Variants in CEACAM1 observed in about 807,000 individuals in gnomAD.
CEACAM1 encodes the protein CEA cell adhesion molecule 1, also known as cell adhesion molecule CEACAM1.
CEACAM1 carries 31 observed loss-of-function variants against 49.1 expected under a neutral mutation model. The ratio of observed to expected loss-of-function variants is 0.63; its 90% CI spans 0.47 to 0.85. The LOEUF is 0.85. CEACAM1 is among the 40% of genes least tolerant of loss of function. The pLI is 0.00. For missense variants in CEACAM1, 570 were observed against 645.3 expected (o/e 0.88, Z 1.26); for synonymous variants, 244 against 247.8 (o/e 0.98, Z 0.14).
At position 42,522,056 on chromosome 19, in the gene CEACAM1, G is replaced by T. The variant is rs765210424; in HGVS notation, c.571C>A (p.Leu191Met). 6.2e-7 allele frequency: 1 copy of T among 1,614,228 alleles called. No homozygotes were observed. The highest frequency in any genetic ancestry group is 1.3e-5 in the African/African-American group (1 of 75,064). Residue 191 changes from leucine to methionine, a missense_variant, in exon 3 of 9, where the codon CTG (leucine) becomes ATG (methionine). Physicochemically the swap from Leu to Met is conservative, Grantham distance 15. Transcript: ENST00000161559. ...NNQSLPVSPRLQLSNGNRTLT... is the reference protein window; with the variant it reads ...NNQSLPVSPRMQLSNGNRTLT... ...GTCCTGTTGCCATTGGACAGCTGCAGCCTGGGACTGACCGGGAGGCTCTGA... is the reference window on the plus strand; with the variant it reads ...GTCCTGTTGCCATTGGACAGCTGCATCCTGGGACTGACCGGGAGGCTCTGA...
At position 42,508,895 on chromosome 19, in the gene CEACAM1, T is replaced by C; in HGVS notation, c.*214A>G. 1 of 493,366 alleles carries C rather than the reference T, an allele frequency of 2.0e-6. No homozygotes were observed. Among genetic ancestry groups the C allele is most frequent in the Non-Finnish European group, 3.6e-6 (1 of 280,158 alleles). 30.6% of individuals were successfully genotyped at this position (493,366 alleles called of 1,614,324 possible). ...TTGCCAAATTTCAATGACAAGAAGGTTGGGTTTCCTACAGACTCCCAATGT... is the reference window on the plus strand; with the variant it reads ...TTGCCAAATTTCAATGACAAGAAGGCTGGGTTTCCTACAGACTCCCAATGT... On this transcript the variant is annotated 3_prime_UTR_variant, in exon 9 of 9. Coordinates refer to ENST00000161559, the MANE Select transcript of CEACAM1 (RefSeq NM_001712.5).
chr19:42,525,116 C>A lies in CEACAM1; in HGVS notation c.424+1925G>T, dbSNP rs187997694. Among the ~76,000 whole-genome samples the A allele has an allele frequency of 1.3e-4, 20 of 152,000 alleles. 1 individual carries two copies. Among genetic ancestry groups the A allele is most frequent in the Admixed American group, 1.3e-3 (20 of 15,262 alleles). On this transcript the variant is annotated intron_variant, in intron 2 of 8. Coordinates refer to ENST00000161559, the MANE Select transcript of CEACAM1 (RefSeq NM_001712.5). ...GCAGGGTGTGAGTGAGGAGAGAAAG[C>A]AAAGTCCTTTCCTTTATCCTCCTGT...
rs144403954 is a variant in CEACAM1, at chr19:42,513,893, CAT to C, written c.1247-1416_1247-1415del. ...GTTTCTTGTATAATGCTTCTCCCTC[CAT>C]ATATATATATATATATATATATAAT... On this transcript the variant is annotated intron_variant, in intron 5 of 8. Transcript: ENST00000161559. 1.0e-3 allele frequency among the ~76,000 whole-genome samples: 109 copies of C among 104,856 alleles called. 1 individual carries two copies. Among genetic ancestry groups the C allele is most frequent in the South Asian group, 1.4e-3 (4 of 2,926 alleles). 68.8% of individuals were successfully genotyped at this position (104,856 alleles called of 152,430 possible). A position where few individuals can be genotyped will look rare whatever the true frequency, so the allele number is the denominator to read the frequency against.
chr19:42,525,359 G>A (rs2041864962), intron 2 of CEACAM1, among the ~76,000 whole-genome samples: 1 of 151,734 alleles, frequency 6.6e-6, no homozygotes, highest in Admixed American at 6.6e-5. Flanking sequence ...CAAGTAGCTG[G>A]GATTAGAGGC....
At chr19:42,521,590 G>C (rs2041749536) in intron 3 of CEACAM1, 69 bp from the exon 4 acceptor site, 1 of 1,570,310 alleles carries the variant, frequency 6.4e-7, no homozygotes, top group South Asian at 1.2e-5. Flanking sequence ...GTCTGGAGAA[G>C]GGCCACAGTG....
intron 5 of CEACAM1, chr19:42,514,942 T>C: frequency 1.6e-6 from 1 of 613,156 alleles, no homozygotes; most frequent in South Asian, 1.9e-5. Flanking sequence ...GTGTGGTGTT[T>C]TGCTGAAGGT....
Position 42,510,904 on chromosome 19 carries a change from A to AT in CEACAM1, c.1445dup (p.Asn482LysfsTer2), listed in dbSNP as rs775213687. The AT allele has an allele frequency of 1.2e-5, 19 of 1,614,106 alleles. No homozygotes were observed. In the South Asian group the frequency reaches 1.9e-4, roughly 16 times the overall value. On this transcript the variant is annotated frameshift_variant, in exon 8 of 9. Transcript: ENST00000161559. LOFTEE classifies it low-confidence loss of function (END_TRUNC). Reference sequence around the variant, plus strand: ...CTATGCTTACCTTGTTAGGTGGGTCATTGGAGTGGTCCTGAGCTGGAGAAG... The same window carrying AT: ...CTATGCTTACCTTGTTAGGTGGGTCATTTGGAGTGGTCCTGAGCTGGAGAAG...
chr19:42,517,630 T>TGA (rs2041631314), intron 5 of CEACAM1, among the ~76,000 whole-genome samples: 1 of 152,206 alleles, frequency 6.6e-6, no homozygotes, highest in Non-Finnish European at 1.5e-5. Flanking sequence ...ATATACCACC[T>TGA]TATAACCATT....
intron 4 of CEACAM1, 137 bp downstream of exon 4, chr19:42,521,130 A>T: frequency 2.2e-6 from 2 of 888,942 alleles, no homozygotes; most frequent in Non-Finnish European, 1.8e-6. Context: ...ATGAATTGAG[A>T]GGGTTCAGGG....
rs1463348611 is a variant in CEACAM1, at chr19:42,510,940, G to A, written c.1430-20C>T. On this transcript the variant is annotated intron_variant, in intron 7 of 8. Coordinates refer to ENST00000161559, the MANE Select transcript of CEACAM1 (RefSeq NM_001712.5). ...CCTGAGCTGGAGAAGCAAAAGAAGA[G>A]TTAGCGATCCATGGAAATGCAAAGC... is the stretch of plus-strand genomic sequence containing the variant. 1.2e-6 allele frequency: 2 copies of A among 1,613,612 alleles called. No homozygotes were observed. The highest frequency in any genetic ancestry group is 1.1e-5 in the South Asian group (1 of 91,076).
chr19:42,513,812 G>C (rs1027831705), intron 5 of CEACAM1, among the ~76,000 whole-genome samples: 2 of 143,592 alleles, frequency 1.4e-5, no homozygotes, highest in African/African-American at 2.7e-5. Context: ...TTGAGACTTT[G>C]CTTTACCTCC....
intron 2 of CEACAM1, 77 bp downstream of exon 2, chr19:42,526,964 A>C: frequency 1.3e-6 from 2 of 1,561,584 alleles, no homozygotes; most frequent in Non-Finnish European, 1.7e-6. Flanking sequence ...ACACAGGCAC[A>C]GCCCAGGCCT....
chr19:42,520,299 G>A (rs2041711370), intron 4 of CEACAM1, among the ~76,000 whole-genome samples: 1 of 152,216 alleles, frequency 6.6e-6, no homozygotes, highest in Non-Finnish European at 1.5e-5. Flanking sequence ...TGACTTCAGA[G>A]CCAGGACAAG....
At chr19:42,523,303 A>G (rs2041805896) in intron 2 of CEACAM1, among the ~76,000 whole-genome samples, 1 of 152,226 alleles carries the variant, frequency 6.6e-6, no homozygotes, top group African/African-American at 2.4e-5. Flanking sequence ...TTCAGCAGAA[A>G]TAACAGGGGA....
In CEACAM1 at chr19:42,515,955, C is replaced by G. The variant is rs115177383; in HGVS notation, c.1246+2993G>C. On this transcript the variant is annotated intron_variant, in intron 5 of 8. Coordinates refer to ENST00000161559, the MANE Select transcript of CEACAM1 (RefSeq NM_001712.5). ...CCTATAACCAGTAATGAAAATGAGT[C>G]GATAAAAGCATTTGACAAAATTCAA... Among the ~76,000 whole-genome samples the G allele has an allele frequency of 2.9e-3, 435 of 151,968 alleles. 4 individuals carry two copies. Among genetic ancestry groups the G allele is most frequent in the African/African-American group, 9.9e-3 (412 of 41,432 alleles).
Position 42,518,948 on chromosome 19 carries a change from A to G in CEACAM1, c.1246T>C (p.Tyr416His), listed in dbSNP as rs375822755. 4.3e-6 allele frequency: 7 copies of G among 1,614,012 alleles called. No homozygotes were observed. Among genetic ancestry groups the G allele is most frequent in the African/African-American group, 1.3e-5 (1 of 74,916 alleles). The change falls in exon 5 of 9, where the codon TAT (tyrosine) becomes CAT (histidine). Residue 416 changes from tyrosine to histidine, a missense_variant and splice_region_variant. Physicochemically the swap from Tyr to His is moderately conservative, Grantham distance 83. Coordinates refer to ENST00000161559, the MANE Select transcript of CEACAM1 (RefSeq NM_001712.5). Reference sequence around the variant, plus strand: ...TAGGAAGGGGTGAGGAGTCACTTACAGTTTACGTTCAGCATGATGGGGTCG... The same window carrying G: ...TAGGAAGGGGTGAGGAGTCACTTACGGTTTACGTTCAGCATGATGGGGTCG... ...QSDPIMLNVN[Y>H]NALPQENGLS... is the part of the protein sequence containing the mutation.
chr19:42,519,501 A>C (rs1449594391), intron 4 of CEACAM1: 1 of 423,954 alleles, frequency 2.4e-6, no homozygotes, highest in African/African-American at 2.1e-5. Context: ...CTATATCTCC[A>C]CTTGGAATCT....
At chr19:42,522,813 C>T (rs2147799586) in intron 2 of CEACAM1, among the ~76,000 whole-genome samples, 1 of 152,264 alleles carries the variant, frequency 6.6e-6, no homozygotes, top group South Asian at 2.1e-4. Context: ...CTCGGCCTCC[C>T]AAAGTGCTGG....
At chr19:42,518,234 G>GT (rs1301561951) in intron 5 of CEACAM1, among the ~76,000 whole-genome samples, 1 of 152,128 alleles carries the variant, frequency 6.6e-6, no homozygotes, top group Non-Finnish European at 1.5e-5. Context: ...GCAACACAGT[G>GT]AAACCCCAAC....
Sources: allele counts gnomAD v4.1 joint callset (sites outside exome capture counted in the v4.1 genomes callset), GRCh38; gene constraint gnomAD v4.1.1; transcripts MANE v1.5; gene names NCBI Gene and HGNC (gene_info 2026-07-23, HGNC 2026-07-21).